The following FLT1 variants were observed in gnomAD, a reference collection of about 807,000 sequenced individuals.
The protein encoded by FLT1 is vascular endothelial growth factor receptor 1.
Under a neutral mutation model 156.3 loss-of-function variants are expected in FLT1, and 49 were observed. That is an observed-to-expected ratio of 0.31 (90% CI 0.25 to 0.40). The LOEUF (loss-of-function observed/expected upper bound fraction) is 0.40. FLT1 is among the 10% of genes least tolerant of loss of function. The probability of loss-of-function intolerance (pLI) is 1.00; values close to 1 mark genes in which losing one functional copy is unlikely to be tolerated. For missense variants in FLT1, 1,322 were observed against 1,637.2 expected, an observed-to-expected ratio of 0.81 and a Z score of 3.32; for synonymous variants, 594 against 583.8, an observed-to-expected ratio of 1.02 and a Z score of -0.25.
chr13:28,473,834 GAAAGGAAGAAAGAAAGA>G (rs1880385380), intron 1 of FLT1, among the ~76,000 whole-genome samples: 1 of 121,926 alleles, frequency 8.2e-6, no homozygotes, highest in Non-Finnish European at 1.6e-5. Flanking sequence ...AAGAAAGAAA[GAAAGGAAGAAAGAAAGA>G]AAGAAAGAAA....
At chr13:28,421,281 C>T (rs549441191) in intron 10 of FLT1, among the ~76,000 whole-genome samples, 1 of 152,056 alleles carries the variant, frequency 6.6e-6, no homozygotes, top group African/African-American at 2.4e-5. Context: ...CTTAGAAAAC[C>T]CCCCATTTTA....
At chr13:28,390,236 G>A in intron 12 of FLT1, 132 bp from the exon 13 acceptor site, 2 of 1,226,460 alleles carry the variant, frequency 1.6e-6, no homozygotes, top group South Asian at 2.9e-5. Flanking sequence ...AGTATTTGGG[G>A]TAAATGAGCA....
At chr13:28,389,699 C>G in intron 13 of FLT1, 97 bp downstream of exon 13, 1 of 1,597,588 alleles carries the variant, frequency 6.3e-7, no homozygotes, top group Non-Finnish European at 8.5e-7. Context: ...TTAATGAGTC[C>G]TTTAATGTTT....
In FLT1 at chr13:28,327,481, T is replaced by C. The variant is rs1406799093; in HGVS notation, c.2777A>G (p.Asp926Gly). 9 of 1,611,318 alleles carry C rather than the reference T, an allele frequency of 5.6e-6. No individual in the cohort carries two copies. The highest frequency in any genetic ancestry group is 7.6e-6 in the Non-Finnish European group (9 of 1,177,418). Residue 926 changes from aspartate to glycine, a missense_variant, in exon 20 of 30, where the codon GAC (aspartate) becomes GGC (glycine). Around this residue, in one of 3 missense-constraint regions of FLT1, gnomAD observed 991 missense variants for 1,254.8 expected, o/e 0.79. Transcript: ENST00000282397. ...NLSNYLKSKR[D>G]LFFLNKDAAL... Reference sequence around the variant, plus strand: ...CCTTACCTTGTTGAGAAAAAATAAGTCACGTTTGCTCTTGAGGTAGTTGGA... The same window carrying C: ...CCTTACCTTGTTGAGAAAAAATAAGCCACGTTTGCTCTTGAGGTAGTTGGA...
intron 14 of FLT1, among the ~76,000 whole-genome samples, chr13:28,384,477 G>GAAAC (rs1874235493): frequency 1.4e-5 from 2 of 144,252 alleles, no homozygotes; most frequent in African/African-American, 2.6e-5. Flanking sequence ...AAGAAAGAAA[G>GAAAC]AAAACGAGAT....
chr13:28,412,350 C>CTTTTCTTTCTTTCTTTTTCTTTCTTTCTT (rs71086853), intron 10 of FLT1, among the ~76,000 whole-genome samples: 3 of 93,798 alleles, frequency 3.2e-5, no homozygotes, highest in East Asian at 3.4e-4. Flanking sequence ...TTCTTTCTTT[C>CTTTTCTTTCTTTCTTTTTCTTTCTTTCTT]TCTTTCTTTC....
rs750183991 is a variant in FLT1 at position 28,327,442 on chromosome 13, C to G, written c.2796+20G>C. The stretch of plus-strand genomic sequence containing the variant: ...AACTCATTGCTATCTTTAAAAACCT[C>G]CAACTTTTGAAATCCTTACCTTGTT... On this transcript the variant is annotated intron_variant, in intron 20 of 29. Coordinates refer to ENST00000282397, the MANE Select transcript of FLT1 (RefSeq NM_002019.4). The G allele has an allele frequency of 6.7e-7, 1 of 1,498,742 alleles. No individual in the cohort carries two copies. The highest frequency in any genetic ancestry group is 2.3e-5 in the East Asian group (1 of 44,314). The allele number at this position is 1,498,742 out of a possible 1,614,324, so 92.8% of individuals were successfully genotyped here. A position where few individuals can be genotyped will look rare whatever the true frequency, so the allele number is the denominator to read the frequency against.
intron 3 of FLT1, among the ~76,000 whole-genome samples, chr13:28,444,501 A>C (rs1245984838): frequency 6.6e-6 from 1 of 152,174 alleles, no homozygotes; most frequent in Admixed American, 6.5e-5. Context: ...GAACACCAGA[A>C]CAACACTACT....
At chr13:28,401,097 G>A (rs1482895693) in intron 11 of FLT1, among the ~76,000 whole-genome samples, 1 of 152,074 alleles carries the variant, frequency 6.6e-6, no homozygotes, top group African/African-American at 2.4e-5. Context: ...ATGGTGGCAG[G>A]CGCCTGTAGT....
intron 25 of FLT1, among the ~76,000 whole-genome samples, chr13:28,313,526 C>T (rs75768087): frequency 0.044 from 6,739 of 152,250 alleles, 191 homozygotes; most frequent in South Asian, 0.13. Context: ...TGAATGGGCT[C>T]CGAATTTGGC....
At chr13:28,472,676 T>A (rs1209438866) in intron 1 of FLT1, among the ~76,000 whole-genome samples, 1 of 152,180 alleles carries the variant, frequency 6.6e-6, no homozygotes, top group Non-Finnish European at 1.5e-5. Context: ...ACATCTGTGT[T>A]TTTCCATTTT....
Position 28,494,989 on chromosome 13 carries a change from C to T in FLT1, c.-146G>A. The T allele has an allele frequency of 3.5e-6, 2 of 570,886 alleles. No homozygotes were observed. The highest frequency in any genetic ancestry group is 2.9e-5 in the South Asian group (1 of 35,068). 35.4% of individuals were successfully genotyped at this position (570,886 alleles called of 1,614,324 possible). A position where few individuals can be genotyped will look rare whatever the true frequency, so the allele number is the denominator to read the frequency against. ...GGCTCCAGCCAGGAGACAACCACTT[C>T]CCCGGGTAATCCTCGCCGCCAGGCG... On this transcript the variant is annotated 5_prime_UTR_variant, in exon 1 of 30. Coordinates refer to ENST00000282397, the MANE Select transcript of FLT1 (RefSeq NM_002019.4).
At position 28,300,521 on chromosome 13, in the gene FLT1, C is replaced by CCACA. The variant is rs57419092; in HGVS notation, c.*2642_*2645dup. On this transcript the variant is annotated 3_prime_UTR_variant, in exon 30 of 30. Coordinates refer to ENST00000282397, the MANE Select transcript of FLT1 (RefSeq NM_002019.4). ...AGTTATGCACAAAACACACATACAC[C>CCACA]CACACACACACACACACACACACAC... The CCACA allele has an allele frequency of 3.1e-3, 700 of 225,558 alleles. 1 individual carries two copies. The highest frequency in any genetic ancestry group is 0.013 in the African/African-American group (541 of 42,838). The allele number at this position is 225,558 out of a possible 1,614,324, so 14.0% of individuals were successfully genotyped here.
chr13:28,463,999 C>T (rs1392346551), intron 3 of FLT1, among the ~76,000 whole-genome samples: 1 of 139,390 alleles, frequency 7.2e-6, no homozygotes, highest in African/African-American at 2.6e-5. Context: ...TAACTGTTTC[C>T]TAAATATTTG....
chr13:28,494,036 C>G (rs1388445589), intron 1 of FLT1, among the ~76,000 whole-genome samples: 3 of 152,228 alleles, frequency 2.0e-5, no homozygotes, highest in Non-Finnish European at 4.4e-5. Context: ...GGACCGCGCA[C>G]CACGCCTGCT....
In FLT1 at chr13:28,438,490, C is replaced by T. The variant is rs962613870; in HGVS notation, c.389-145G>A. The stretch of plus-strand genomic sequence containing the variant: ...AATCCATACATTCACATCTTTGTCT[C>T]TGAATTTGGCCCTCTGTGTTTCTAC... On this transcript the variant is annotated intron_variant, in intron 3 of 29. Transcript: ENST00000282397. 14 of 691,940 alleles carry T rather than the reference C, an allele frequency of 2.0e-5. No homozygotes were observed. In the African/African-American group the frequency reaches 2.5e-4, roughly 12 times the overall value. 42.9% of individuals were successfully genotyped at this position (691,940 alleles called of 1,614,324 possible).
chr13:28,329,836 C>T, intron 18 of FLT1, 108 bp from the exon 19 acceptor site: 1 of 857,610 alleles, frequency 1.2e-6, no homozygotes, highest in Non-Finnish European at 1.9e-6. Flanking sequence ...GGTTGCTTCA[C>T]TAACTTCCCC....
chr13:28,467,310 GA>G (rs1593826966), intron 2 of FLT1, among the ~76,000 whole-genome samples, 181 bp from the exon 3 acceptor site: 1 of 152,116 alleles, frequency 6.6e-6, no homozygotes, highest in East Asian at 1.9e-4. Flanking sequence ...TAAAGATGCA[GA>G]ACTATTTGGG....
intron 1 of FLT1, among the ~76,000 whole-genome samples, chr13:28,490,271 G>C (rs1443348743): frequency 2.0e-5 from 3 of 152,196 alleles, no homozygotes; most frequent in African/African-American, 7.2e-5. Flanking sequence ...TTGAGGAAAG[G>C]AGCAGCAATC....
Sources: allele counts gnomAD v4.1 joint callset (sites outside exome capture counted in the v4.1 genomes callset), GRCh38; gene constraint gnomAD v4.1.1; regional missense constraint gnomAD v4.1.1; transcripts MANE v1.5; gene names NCBI Gene and HGNC (gene_info 2026-07-23, HGNC 2026-07-21).